MALRD1: variants seen among roughly 807,000 people sequenced by gnomAD.
The protein encoded by MALRD1 is MAM and LDL receptor class A domain containing 1, also known as MAM and LDL-receptor class A domain-containing protein 1.
Under a neutral mutation model 242.1 loss-of-function variants are expected in MALRD1, and 247 were observed. That is an observed-to-expected ratio of 1.02 (90% CI 0.92 to 1.13). MALRD1 has a LOEUF of 1.13. Among genes scored for constraint, MALRD1 ranks in the 50% most tolerant of loss-of-function variants. The pLI, the probability that MALRD1 is intolerant of heterozygous loss-of-function variation, is 0.00. For synonymous variants in MALRD1, 995 were observed against 866.6 expected (o/e 1.15, Z -2.60); for missense variants, 2,989 against 2,533.1 (o/e 1.18, Z -3.86).
chr10:19,221,070 A>G (rs1375263852), intron 18 of MALRD1, among the ~76,000 whole-genome samples: 1 of 151,582 alleles, frequency 6.6e-6, no homozygotes, highest in African/African-American at 2.4e-5. Context: ...GAAGGAAAAG[A>G]TATTTTTCCC....
intron 36 of MALRD1, among the ~76,000 whole-genome samples, chr10:19,668,584 AG>A (rs1268492718): frequency 6.6e-6 from 1 of 152,342 alleles, no homozygotes; most frequent in Non-Finnish European, 1.5e-5. Flanking sequence ...CTGATGAAAC[AG>A]AAGTGACATA....
Position 19,352,230 on chromosome 10 carries a change from GC to G in MALRD1, c.4375del (p.Thr1460GlnfsTer46), listed in dbSNP as rs531574019. The stretch of plus-strand genomic sequence containing the variant: ...GAGACATTGCACTTGATGACATTGT[GC>G]TTACAGAAAATTGTCTATCACTCCA... ...RGDIALDDIV[L>X]TENCLSLHDS... is the part of the protein sequence containing the mutation. On this transcript the variant is annotated frameshift_variant, in exon 26 of 40. Coordinates refer to ENST00000454679, the MANE Select transcript of MALRD1 (RefSeq NM_001142308.3). LOFTEE classifies it high-confidence loss of function. 7.3e-4 allele frequency: 1,126 copies of G among 1,550,400 alleles called. 12 individuals are homozygous for G. The East Asian group carries it at 0.012, about 16-fold the overall frequency.
At chr10:19,729,153 A>G (rs1835172342) in intron 38 of MALRD1, among the ~76,000 whole-genome samples, 2 of 152,216 alleles carry the variant, frequency 1.3e-5, no homozygotes, top group South Asian at 2.1e-4. Context: ...CACAGGGACA[A>G]TGTATTGCCA....
rs1835266877 is a variant in MALRD1 at position 19,730,855 on chromosome 10, G to A, written c.6390+74G>A. 25 of 1,270,376 alleles carry A rather than the reference G, an allele frequency of 2.0e-5. No homozygotes were observed. In the South Asian group the frequency reaches 2.9e-4, roughly 15 times the overall value. 78.7% of individuals were successfully genotyped at this position (1,270,376 alleles called of 1,614,324 possible). On this transcript the variant is annotated intron_variant, in intron 39 of 39. Coordinates refer to ENST00000454679, the MANE Select transcript of MALRD1 (RefSeq NM_001142308.3). Reference sequence around the variant, plus strand: ...ACAAACACACACACACACACAGGCTGAACCAGTGTTGCTTGATCATGTTTC... The same window carrying A: ...ACAAACACACACACACACACAGGCTAAACCAGTGTTGCTTGATCATGTTTC...
chr10:19,473,738 G>C (rs1836606239), intron 29 of MALRD1, among the ~76,000 whole-genome samples: 1 of 152,002 alleles, frequency 6.6e-6, no homozygotes, highest in African/African-American at 2.4e-5. Context: ...TGGACACTTG[G>C]ATTACTTTTG....
Position 19,203,747 on chromosome 10 carries a change from A to T in MALRD1, c.1971A>T (p.Glu657Asp). ...CTTCAGTTTCCAAGTGTGACTTTGAAGCAAACAGCTGTGATTGGTTTGAAG... is the reference window on the plus strand; with the variant it reads ...CTTCAGTTTCCAAGTGTGACTTTGATGCAAACAGCTGTGATTGGTTTGAAG... ...TQSKFSKCDF[E>D]ANSCDWFEAI... The change falls in exon 15 of 40, where the codon GAA becomes GAT. Residue 657 changes from glutamate to aspartate, a missense_variant. By Grantham distance (45) the Glu-to-Asp change is conservative. Coordinates refer to ENST00000454679, the MANE Select transcript of MALRD1 (RefSeq NM_001142308.3). 3.2e-6 allele frequency: 5 copies of T among 1,538,650 alleles called. No homozygotes were observed. Among genetic ancestry groups the T allele is most frequent in the Non-Finnish European group, 4.4e-6 (5 of 1,138,370 alleles).
intron 10 of MALRD1, among the ~76,000 whole-genome samples, chr10:19,143,043 A>G (rs1346286775): frequency 6.6e-6 from 1 of 152,220 alleles, no homozygotes; most frequent in Admixed American, 6.5e-5. Flanking sequence ...CCATGTCACC[A>G]TGTTGCTTTC....
At chr10:19,362,528 A>T (rs939619253) in intron 26 of MALRD1, among the ~76,000 whole-genome samples, 1 of 152,116 alleles carries the variant, frequency 6.6e-6, no homozygotes, top group Admixed American at 6.6e-5. Context: ...AGAATCCCAC[A>T]CATAGGAAGC....
intron 1 of MALRD1, among the ~76,000 whole-genome samples, chr10:19,064,238 G>A (rs151097231): frequency 1.3e-5 from 2 of 152,220 alleles, no homozygotes; most frequent in East Asian, 1.9e-4. Flanking sequence ...ACTCCTAATT[G>A]TTCATTATAT....
rs869219398 is a variant in MALRD1 at position 19,499,445 on chromosome 10, G to GAA, written c.5320+815_5320+816dup. On this transcript the variant is annotated intron_variant, in intron 31 of 39. Transcript: ENST00000454679. ...CTCCAATCAACTGAAGGCCTGAATAGAAAAAAAAAAAAAAAAACCAGCCTA... is the reference window on the plus strand; with the variant it reads ...CTCCAATCAACTGAAGGCCTGAATAGAAAAAAAAAAAAAAAAAAACCAGCCTA... Among the ~76,000 whole-genome samples, 350 of 116,646 alleles carry GAA rather than the reference G, an allele frequency of 3.0e-3. 5 individuals carry two copies. In the East Asian group the frequency reaches 0.059, roughly 20 times the overall value. The allele number at this position is 116,646 out of a possible 152,430, so 76.5% of individuals were successfully genotyped here. A position where few individuals can be genotyped will look rare whatever the true frequency, so the allele number is the denominator to read the frequency against.
intron 34 of MALRD1, among the ~76,000 whole-genome samples, chr10:19,605,974 T>C (rs1165369570): frequency 2.6e-5 from 4 of 152,120 alleles, no homozygotes; most frequent in African/African-American, 4.8e-5. Context: ...TTAGGAAGAA[T>C]TGCTCAATAA....
chr10:19,389,741 G>A lies in MALRD1; in HGVS notation c.4845+132G>A. 5 of 937,244 alleles carry A rather than the reference G, an allele frequency of 5.3e-6. No homozygotes were observed. In the South Asian group the frequency reaches 9.3e-5, roughly 17 times the overall value. 58.1% of individuals were successfully genotyped at this position (937,244 alleles called of 1,614,324 possible). A position where few individuals can be genotyped will look rare whatever the true frequency, so the allele number is the denominator to read the frequency against. ...TGCAGCCTCCAACTCCTGGACTCAA[G>A]CGATCCTCCTGCCTCTGCCTCCCGA... On this transcript the variant is annotated intron_variant, in intron 28 of 39. Coordinates refer to ENST00000454679, the MANE Select transcript of MALRD1 (RefSeq NM_001142308.3).
At chr10:19,658,382 T>C (rs1172162123) in intron 36 of MALRD1, among the ~76,000 whole-genome samples, 1 of 152,144 alleles carries the variant, frequency 6.6e-6, no homozygotes, top group Non-Finnish European at 1.5e-5. Context: ...ATAGAAGTTA[T>C]TTGAAGCTTC....
intron 35 of MALRD1, among the ~76,000 whole-genome samples, chr10:19,612,823 C>A (rs1348497765): frequency 6.6e-6 from 1 of 151,846 alleles, no homozygotes; most frequent in Non-Finnish European, 1.5e-5. Context: ...TGAGACAGCA[C>A]TAGGGGGATG....
At chr10:19,325,207 T>A (rs1194364881) in intron 22 of MALRD1, among the ~76,000 whole-genome samples, 2 of 151,958 alleles carry the variant, frequency 1.3e-5, no homozygotes, top group Admixed American at 1.3e-4. Context: ...CAATGTATTA[T>A]AATCTATTAG....
chr10:19,297,812 AG>A (rs777314786), intron 21 of MALRD1, among the ~76,000 whole-genome samples: 1 of 151,916 alleles, frequency 6.6e-6, no homozygotes, highest in Non-Finnish European at 1.5e-5. Context: ...CTGAAGAGAG[AG>A]GCTTCATATC....
intron 28 of MALRD1, among the ~76,000 whole-genome samples, chr10:19,420,298 A>T (rs1177058111): frequency 6.6e-6 from 1 of 152,186 alleles, no homozygotes; most frequent in African/African-American, 2.4e-5. Context: ...GGAGTAGGTA[A>T]TCGGAATGAG....
At chr10:19,586,483 C>A (rs1476435196) in intron 33 of MALRD1, among the ~76,000 whole-genome samples, 1 of 152,212 alleles carries the variant, frequency 6.6e-6, no homozygotes, top group East Asian at 1.9e-4. Flanking sequence ...GAGTACCCGG[C>A]CGTGTGAGGT....
chr10:19,162,380 C>A (rs1364926359), intron 12 of MALRD1, among the ~76,000 whole-genome samples: 1 of 151,834 alleles, frequency 6.6e-6, no homozygotes, highest in African/African-American at 2.4e-5. Context: ...TTCTTCTTTT[C>A]TTTAATGCAA....
Sources: gnomAD v4.1 joint callset for allele counts (sites outside exome capture counted in the v4.1 genomes callset) on GRCh38, gnomAD v4.1.1 for gene constraint, MANE v1.5 for transcripts, NCBI Gene and HGNC (gene_info 2026-07-23, HGNC 2026-07-21) for gene names.